Variants in PRH1 observed in about 807,000 individuals in gnomAD.
PRH1 encodes the protein salivary acidic proline-rich phosphoprotein 1/2.
A neutral mutation model predicts 7.9 loss-of-function variants in PRH1; 7 were observed. The ratio of observed to expected loss-of-function variants is 0.89; its 90% CI spans 0.50 to 1.67. The LOEUF is 1.67. Ranked by LOEUF, PRH1 falls within the 40% of genes most tolerant of loss-of-function variation. The pLI is 0.00. For synonymous variants in PRH1, 45 were observed against 80.8 expected (o/e 0.56, Z 2.38); for missense variants, 109 against 223.6 (o/e 0.49, Z 3.27).
intron 2 of PRH1, chr12:10,909,298 T>C (rs764296940): frequency 5.6e-6 from 9 of 1,606,658 alleles, no homozygotes; most frequent in Non-Finnish European, 6.8e-6. Flanking sequence ...GCACTTTCCA[T>C]GTCAGAACAG....
intron 1 of PRH1, among the ~76,000 whole-genome samples, chr12:11,152,547 G>C (rs1947132722): frequency 6.6e-6 from 1 of 151,780 alleles, no homozygotes; most frequent in South Asian, 2.1e-4. Flanking sequence ...CTATATTTTA[G>C]TTTTAACTAT....
chr12:11,171,251 G>T lies in PRH1; in HGVS notation n.39+171C>A. 4 of 719,270 alleles carry T rather than the reference G, an allele frequency of 5.6e-6. No individual in the cohort carries two copies. In the East Asian group the frequency reaches 1.0e-4, roughly 18 times the overall value. 44.6% of individuals were successfully genotyped at this position (719,270 alleles called of 1,614,324 possible). On this transcript the variant is annotated intron_variant and non_coding_transcript_variant, in intron 1 of 1. Coordinates refer to the PRH1 transcript ENST00000541175. ...GCGGCAAGCTTGGGTGTGAGCCCGG[G>T]AGCCGCTTTGCTTACCGTCCTGCCG...
At chr12:11,114,279 T>C (rs1387164629) in intron 1 of PRH1, among the ~76,000 whole-genome samples, 1 of 151,976 alleles carries the variant, frequency 6.6e-6, no homozygotes, top group East Asian at 1.9e-4. Context: ...ATATAGACTG[T>C]ATAAAGAAAA....
intron 1 of PRH1, among the ~76,000 whole-genome samples, chr12:11,073,058 TGG>T (rs1944146606): frequency 7.6e-6 from 1 of 130,904 alleles, no homozygotes; most frequent in Non-Finnish European, 1.8e-5. Context: ...TGATAATATT[TGG>T]AAACCTGCAA....
chr12:10,986,631 C>T, intron 1 of PRH1: 1 of 1,613,368 alleles, frequency 6.2e-7, no homozygotes, highest in East Asian at 2.2e-5. Flanking sequence ...TAATTCTACA[C>T]TATAAAAAGC....
chr12:10,881,642 A>C (rs1213854120), intron 3 of PRH1, among the ~76,000 whole-genome samples: 2 of 152,224 alleles, frequency 1.3e-5, no homozygotes, highest in Non-Finnish European at 2.9e-5. Flanking sequence ...TAGATTCCAA[A>C]GAGTAAAAGG....
chr12:11,075,282 G>A (rs796943150), intron 1 of PRH1, among the ~76,000 whole-genome samples: 43,970 of 92,242 alleles, frequency 0.48, 7,292 homozygotes, highest in Non-Finnish European at 0.58. Flanking sequence ...TGTGTATATA[G>A]TAACCAGCTA....
chr12:11,168,043 AAT>A (rs1947634602), intron 1 of PRH1, among the ~76,000 whole-genome samples: 2 of 151,828 alleles, frequency 1.3e-5, no homozygotes, highest in Admixed American at 1.3e-4. Context: ...ACAATTATTA[AAT>A]GTGTTTCATT....
chr12:10,887,050 T>C (rs1011031553), upstream of PRH1, among the ~76,000 whole-genome samples: 1 of 152,224 alleles, frequency 6.6e-6, no homozygotes, highest in Non-Finnish European at 1.5e-5. Context: ...ATCTCCTGTT[T>C]TTTCTTCTGC....
chr12:11,014,039 C>A (rs949837136), intron 1 of PRH1, among the ~76,000 whole-genome samples: 1 of 152,194 alleles, frequency 6.6e-6, no homozygotes, highest in Non-Finnish European at 1.5e-5. Flanking sequence ...GGTACTGTTA[C>A]TTCAAAATGT....
intron 2 of PRH1, among the ~76,000 whole-genome samples, chr12:10,891,002 G>T (rs995679773): frequency 4.6e-5 from 7 of 151,980 alleles, no homozygotes; most frequent in Non-Finnish European, 1.0e-4. Flanking sequence ...ATCCAACAGG[G>T]CTATACTAAT....
At chr12:11,081,019 T>G (rs1397738162) in intron 1 of PRH1, among the ~76,000 whole-genome samples, 1 of 120,286 alleles carries the variant, frequency 8.3e-6, no homozygotes, top group Admixed American at 8.3e-5. Context: ...AGTTTGAGAT[T>G]ACAAAAAATA....
At chr12:11,100,816 T>A (rs779491969) in intron 1 of PRH1, among the ~76,000 whole-genome samples, 7 of 152,126 alleles carry the variant, frequency 4.6e-5, no homozygotes, top group Non-Finnish European at 1.0e-4. Flanking sequence ...CTTAAAAAAT[T>A]TGCCTTTCTA....
At chr12:11,168,260 G>GAGA (rs765768913) in intron 1 of PRH1, among the ~76,000 whole-genome samples, 1 of 32,624 alleles carries the variant, frequency 3.1e-5, no homozygotes, top group Admixed American at 3.9e-4. Context: ...AAGAAAGAAA[G>GAGA]AAAGAAAGAA....
At chr12:10,984,281 G>A (rs999816631) in intron 1 of PRH1, among the ~76,000 whole-genome samples, 5 of 152,040 alleles carry the variant, frequency 3.3e-5, no homozygotes, top group East Asian at 3.8e-4. Flanking sequence ...ATCACACATC[G>A]AATATGGCTT....
chr12:10,888,664 A>G (rs1183902962), upstream of PRH1, among the ~76,000 whole-genome samples: 2 of 152,048 alleles, frequency 1.3e-5, no homozygotes, highest in Non-Finnish European at 2.9e-5. Flanking sequence ...CTGATCTCCT[A>G]TGGGGCCACT....
At position 10,932,218 on chromosome 12, in the gene PRH1, T is replaced by C. The variant is rs1380034162; in HGVS notation, c.-59+41437A>G. The C allele has an allele frequency of 6.9e-6, 3 of 436,844 alleles. No homozygotes were observed. The East Asian group carries it at 2.1e-4, about 31-fold the overall frequency. 27.1% of individuals were successfully genotyped at this position (436,844 alleles called of 1,614,324 possible). On this transcript the variant is annotated intron_variant, in intron 2 of 3. Transcript: ENST00000539853. ...AGTCTTGCCTATAATCTTCCTTGTC[T>C]TTTTCAGGAAGTGAATAAGAAGATG...
intron 1 of PRH1, among the ~76,000 whole-genome samples, chr12:11,027,904 G>C (rs1202395860): frequency 1.3e-5 from 2 of 152,166 alleles, no homozygotes; most frequent in African/African-American, 2.4e-5. Flanking sequence ...CAAGCATAGA[G>C]TCCCTCTAAG....
intron 2 of PRH1, among the ~76,000 whole-genome samples, chr12:10,916,136 A>T (rs1324450460): frequency 6.6e-6 from 1 of 152,200 alleles, no homozygotes; most frequent in East Asian, 1.9e-4. Flanking sequence ...AGCAGACAAG[A>T]GAGAGTTTGC....
Sources: allele counts gnomAD v4.1 joint callset (sites outside exome capture counted in the v4.1 genomes callset), GRCh38; gene constraint gnomAD v4.1.1; transcripts MANE v1.5; gene names NCBI Gene and HGNC (gene_info 2026-07-23, HGNC 2026-07-21).